KALRN: variants seen among roughly 807,000 people sequenced by gnomAD.
KALRN encodes the protein kalirin.
KALRN carries 70 observed loss-of-function variants against 353.7 expected under a neutral mutation model. That is an observed-to-expected ratio of 0.20 (90% confidence interval 0.16 to 0.24). The LOEUF is 0.24. KALRN is among the 10% of genes least tolerant of loss of function. The pLI is 1.00. For synonymous variants in KALRN, 1,391 were observed against 1,434.8 expected (o/e 0.97, Z 0.69); for missense variants, 2,791 against 3,756.7 (o/e 0.74, Z 6.72).
At chr3:124,696,561 A>G (rs911653129) in intron 54 of KALRN, among the ~76,000 whole-genome samples, 1 of 152,220 alleles carries the variant, frequency 6.6e-6, no homozygotes, top group Admixed American at 6.5e-5. Context: ...AAAAAATTCA[A>G]ATAGAGACAG....
At chr3:124,210,825 C>T (rs2076839611) in intron 1 of KALRN, among the ~76,000 whole-genome samples, 1 of 152,156 alleles carries the variant, frequency 6.6e-6, no homozygotes, top group Non-Finnish European at 1.5e-5. Flanking sequence ...AATCCTACAG[C>T]CACAAAGCTG....
At chr3:124,452,037 G>T (rs1325125652) in intron 21 of KALRN, among the ~76,000 whole-genome samples, 1 of 152,214 alleles carries the variant, frequency 6.6e-6, no homozygotes, top group East Asian at 1.9e-4. Context: ...GGACACCTCA[G>T]AAGTCACTGG....
intron 33 of KALRN, among the ~76,000 whole-genome samples, chr3:124,511,371 A>G (rs895279143): frequency 1.3e-5 from 2 of 152,160 alleles, no homozygotes; most frequent in Non-Finnish European, 2.9e-5. Flanking sequence ...AACTCATCAT[A>G]TACCACATCC....
chr3:124,223,107 A>T (rs926818882), intron 1 of KALRN, among the ~76,000 whole-genome samples: 1 of 150,928 alleles, frequency 6.6e-6, no homozygotes, highest in Non-Finnish European at 1.5e-5. Flanking sequence ...TGTCTCTGAT[A>T]ACAGTTAATT....
At chr3:124,229,278 C>A (rs994994494) in intron 2 of KALRN, among the ~76,000 whole-genome samples, 1 of 152,184 alleles carries the variant, frequency 6.6e-6, no homozygotes, top group Non-Finnish European at 1.5e-5. Context: ...TGGCCAGAGC[C>A]CCTAAGGCAG....
At position 124,347,010 on chromosome 3, in the gene KALRN, A is replaced by G. The variant is rs1035167700; in HGVS notation, c.1648-133A>G. ...CCCATGGACTCACAGCAGATTGACC[A>G]TTTCCACCTGAACTGCTGCTTTACA... On this transcript the variant is annotated intron_variant, in intron 9 of 59. Coordinates refer to ENST00000682506, the MANE Select transcript of KALRN (RefSeq NM_001388419.1). The G allele has an allele frequency of 3.7e-6, 5 of 1,344,930 alleles. No individual in the cohort carries two copies. In the African/African-American group the frequency reaches 5.8e-5, roughly 15 times the overall value. The allele number at this position is 1,344,930 out of a possible 1,614,324, so 83.3% of individuals were successfully genotyped here.
chr3:124,356,243 G>A (rs2083391175), intron 10 of KALRN, among the ~76,000 whole-genome samples: 1 of 151,648 alleles, frequency 6.6e-6, no homozygotes, highest in Non-Finnish European at 1.5e-5. Flanking sequence ...TCCAACAGGA[G>A]TCTCTGGTTT....
intron 34 of KALRN, among the ~76,000 whole-genome samples, chr3:124,624,167 A>G (rs777904201): frequency 6.6e-6 from 1 of 152,224 alleles, no homozygotes; most frequent in Non-Finnish European, 1.5e-5. Flanking sequence ...TTTGTCCAGC[A>G]TCTCCATGCT....
intron 1 of KALRN, among the ~76,000 whole-genome samples, chr3:124,113,440 G>A (rs1191936908): frequency 6.6e-6 from 1 of 152,176 alleles, no homozygotes; most frequent in Admixed American, 6.5e-5. Flanking sequence ...AGGGTACGGA[G>A]ATAGAATATG....
intron 3 of KALRN, among the ~76,000 whole-genome samples, chr3:124,251,651 G>A (rs1397846949): frequency 4.6e-5 from 7 of 152,170 alleles, no homozygotes; most frequent in Non-Finnish European, 7.3e-5. Flanking sequence ...GATTACAGGC[G>A]TGAGCCACTG....
chr3:124,223,733 A>G (rs931591533), intron 1 of KALRN, among the ~76,000 whole-genome samples: 1 of 152,210 alleles, frequency 6.6e-6, no homozygotes, highest in East Asian at 1.9e-4. Context: ...CTCTAGACCC[A>G]CAAAACCACA....
intron 3 of KALRN, among the ~76,000 whole-genome samples, chr3:124,246,204 T>C (rs1372692767): frequency 6.6e-6 from 1 of 152,272 alleles, no homozygotes; most frequent in Non-Finnish European, 1.5e-5. Flanking sequence ...TTCCCTAAAT[T>C]TATTTGCTCA....
intron 1 of KALRN, among the ~76,000 whole-genome samples, chr3:124,097,868 G>A (rs2061558690): frequency 6.6e-6 from 1 of 152,174 alleles, no homozygotes; most frequent in South Asian, 2.1e-4. Context: ...TGCTGTTTTT[G>A]TGGTGTTTGT....
At position 124,599,358 on chromosome 3, in the gene KALRN, GTC is replaced by G. The variant is rs1309974065; in HGVS notation, c.5183-33061_5183-33060del. On this transcript the variant is annotated intron_variant, in intron 34 of 59. Coordinates refer to ENST00000682506, the MANE Select transcript of KALRN (RefSeq NM_001388419.1). ...GAACCTCTGAGGAACCTGTACCTAA[GTC>G]ACAAAGGATCACTGCCAGGGCTCTT... 3.9e-5 allele frequency among the ~76,000 whole-genome samples: 6 copies of G among 152,276 alleles called. No homozygotes were observed. The South Asian group carries it at 1.2e-3, about 32-fold the overall frequency.
intron 33 of KALRN, among the ~76,000 whole-genome samples, chr3:124,531,325 A>G (rs936146249): frequency 1.3e-5 from 2 of 152,244 alleles, no homozygotes; most frequent in African/African-American, 4.8e-5. Flanking sequence ...TCTAATATTT[A>G]TATTTTGGCT....
At chr3:124,638,023 A>G (rs1578545458) in intron 37 of KALRN, among the ~76,000 whole-genome samples, 1 of 152,126 alleles carries the variant, frequency 6.6e-6, no homozygotes, top group Non-Finnish European at 1.5e-5. Context: ...CTGTTTTTAC[A>G]TTTAAGTGTA....
chr3:124,384,805 C>T, intron 10 of KALRN, 40 bp from the exon 11 acceptor site: 1 of 1,535,004 alleles, frequency 6.5e-7, no homozygotes, highest in South Asian at 1.3e-5. Flanking sequence ...CTGGAAGGCG[C>T]GACTGCAACT....
chr3:124,667,231 C>T (rs752067430), intron 47 of KALRN, 48 bp downstream of exon 47: 15 of 1,533,486 alleles, frequency 9.8e-6, no homozygotes, highest in East Asian at 6.9e-5. Flanking sequence ...GGGGACTCCA[C>T]GACCTCTGAG....
intron 34 of KALRN, among the ~76,000 whole-genome samples, chr3:124,631,056 A>G (rs1000345541): frequency 2.6e-5 from 4 of 152,192 alleles, no homozygotes; most frequent in African/African-American, 4.8e-5. Flanking sequence ...CTCCTGACCT[A>G]TCAGGCAGCA....
Sources: allele counts gnomAD v4.1 joint callset (sites outside exome capture counted in the v4.1 genomes callset), GRCh38; gene constraint gnomAD v4.1.1; transcripts MANE v1.5; gene names NCBI Gene and HGNC (gene_info 2026-07-23, HGNC 2026-07-21).